HTR2C: variants seen among roughly 807,000 people sequenced by gnomAD.
HTR2C encodes 5-hydroxytryptamine (serotonin) receptor 2C, G protein-coupled.
HTR2C carries 5 observed loss-of-function variants against 21.0 expected under a neutral mutation model. The observed-to-expected ratio is 0.24, with a 90% CI of 0.12 to 0.50. The LOEUF is 0.50. HTR2C is among the 20% of genes least tolerant of loss of function. The probability of loss-of-function intolerance (pLI) is 0.98; values close to 1 mark genes in which losing one functional copy is unlikely to be tolerated. For synonymous variants in HTR2C, 150 were observed against 145.3 expected (o/e 1.03, Z -0.23); for missense variants, 271 against 371.2 (o/e 0.73, Z 2.22).
intron 2 of HTR2C, among the ~76,000 whole-genome samples, chrX:114,660,093 G>A (rs782061466): frequency 8.9e-6 from 1 of 111,910 alleles, no homozygotes; most frequent in East Asian, 2.8e-4. Context: ...CTATTTAATG[G>A]ACTTTTTAAC....
Position 114,906,668 on chromosome X carries a change from C to A in HTR2C, c.630C>A (p.Asn210Lys). Reference sequence around the variant, plus strand: ...TGAACAACACGACGTGCGTGCTCAACGACCCAAATTTCGTTCTTATTGGGT... The same window carrying A: ...TGAACAACACGACGTGCGTGCTCAAAGACCCAAATTTCGTTCTTATTGGGT... ...VFVNNTTCVLNDPNFVLIGSF... is the reference protein window; with the variant it reads ...VFVNNTTCVLKDPNFVLIGSF... The change falls in exon 6 of 6, where the codon AAC becomes AAA. Residue 210 changes from asparagine to lysine, a missense_variant. Physicochemically the swap from Asn to Lys is moderately conservative, Grantham distance 94 (BLOSUM62 0). Transcript: ENST00000276198. 8.3e-7 allele frequency: 1 copy of A among 1,210,720 alleles called. No individual in the cohort carries two copies. Among genetic ancestry groups the A allele is most frequent in the Non-Finnish European group, 1.1e-6 (1 of 894,799 alleles).
At position 114,726,873 on chromosome X, in the gene HTR2C, G is replaced by A; in HGVS notation, c.-64G>A. 1.5e-6 allele frequency: 1 copy of A among 681,359 alleles called. No individual in the cohort carries two copies. Among genetic ancestry groups the A allele is most frequent in the Non-Finnish European group, 2.2e-6 (1 of 452,502 alleles). 56.2% of individuals were successfully genotyped at this position (681,359 alleles called of 1,213,427 possible). A position where few individuals can be genotyped will look rare whatever the true frequency, so the allele number is the denominator to read the frequency against. On this transcript the variant is annotated 5_prime_UTR_variant, in exon 3 of 6. The change abolishes an upstream ATG in the 5' untranslated region. Transcript: ENST00000276198. ...CTCTCCCCAGAAAGGATGATATGATGAACCTAGCCTGTTAATTTCGTCTTC... is the reference window on the plus strand; with the variant it reads ...CTCTCCCCAGAAAGGATGATATGATAAACCTAGCCTGTTAATTTCGTCTTC...
At chrX:114,721,762 T>A (rs2147332479) in intron 2 of HTR2C, among the ~76,000 whole-genome samples, 1 of 111,378 alleles carries the variant, frequency 9.0e-6, no homozygotes, top group East Asian at 2.8e-4. Context: ...CAGCACCGTT[T>A]ATTAAATAGG....
intron 5 of HTR2C, among the ~76,000 whole-genome samples, chrX:114,894,072 C>T (rs1389942617): frequency 1.8e-5 from 2 of 110,651 alleles, no homozygotes; most frequent in Middle Eastern, 9.3e-3. Context: ...ACTTTCATTG[C>T]GGATGGGACT....
At chrX:114,706,574 G>C (rs782408397) in intron 2 of HTR2C, among the ~76,000 whole-genome samples, 2 of 67,951 alleles carry the variant, frequency 2.9e-5, no homozygotes, top group East Asian at 1.2e-3. Context: ...GTGGGGGGAG[G>C]GGGGAGGGAT....
At chrX:114,853,386 GTCAA>G (rs1307046290) in intron 5 of HTR2C, among the ~76,000 whole-genome samples, 3 of 111,143 alleles carry the variant, frequency 2.7e-5, no homozygotes, top group Non-Finnish European at 3.8e-5. Context: ...AGTTCATCTT[GTCAA>G]TCAGATTTCC....
intron 1 of HTR2C, among the ~76,000 whole-genome samples, chrX:114,599,390 G>A (rs782749916): frequency 1.8e-5 from 2 of 111,696 alleles, no homozygotes; most frequent in Admixed American, 9.5e-5. Context: ...TTGAGCAATC[G>A]AAGTCTGAAA....
intron 2 of HTR2C, among the ~76,000 whole-genome samples, chrX:114,637,804 G>C (rs1200972671): frequency 9.0e-6 from 1 of 111,264 alleles, no homozygotes; most frequent in Non-Finnish European, 1.9e-5. Context: ...GAAAAGCCAT[G>C]ACATTGAGCA....
intron 2 of HTR2C, among the ~76,000 whole-genome samples, chrX:114,685,550 T>C (rs1236622100): frequency 8.9e-6 from 1 of 112,019 alleles, no homozygotes; most frequent in African/African-American, 3.2e-5. Flanking sequence ...GAAAGTTGAA[T>C]CTTTGACTAA....
At chrX:114,895,630 C>T (rs2071290707) in intron 5 of HTR2C, among the ~76,000 whole-genome samples, 1 of 111,353 alleles carries the variant, frequency 9.0e-6, no homozygotes, top group Admixed American at 9.5e-5. Context: ...TTTCTTACTG[C>T]AGAAACTTAG....
At chrX:114,726,632 A>G (rs1422720611) in intron 2 of HTR2C, among the ~76,000 whole-genome samples, 6 of 112,505 alleles carry the variant, frequency 5.3e-5, no homozygotes, top group Non-Finnish European at 1.1e-4. Context: ...CCATGTATAA[A>G]TAAAACATAT....
At chrX:114,715,437 G>A (rs1932975242) in intron 2 of HTR2C, 2 of 264,985 alleles carry the variant, frequency 7.5e-6, no homozygotes, top group Middle Eastern at 7.9e-4. Flanking sequence ...ATTGCTTGTG[G>A]GTGAAGAGAC....
chrX:114,610,501 CACTT>C (rs1181101817), intron 1 of HTR2C, among the ~76,000 whole-genome samples: 1 of 111,978 alleles, frequency 8.9e-6, no homozygotes, highest in African/African-American at 3.2e-5. Flanking sequence ...CACAAAATCA[CACTT>C]AATGTCACCT....
chrX:114,718,991 ATAT>A (rs1274701425), intron 2 of HTR2C, among the ~76,000 whole-genome samples: 2,223 of 30,231 alleles, frequency 0.074, 75 homozygotes, highest in African/African-American at 0.14. Context: ...TAATATAATA[ATAT>A]AATATATAAT....
intron 4 of HTR2C, among the ~76,000 whole-genome samples, chrX:114,748,079 T>G (rs2069723059): frequency 8.9e-6 from 1 of 112,272 alleles, no homozygotes; most frequent in African/African-American, 3.2e-5. Context: ...GCTCTTAGGA[T>G]GCAAAGCCCA....
At chrX:114,807,586 C>A (rs2070489994) in intron 4 of HTR2C, among the ~76,000 whole-genome samples, 1 of 107,686 alleles carries the variant, frequency 9.3e-6, no homozygotes, top group Non-Finnish European at 1.9e-5. Context: ...ATAATCACAT[C>A]TAGGTAAATG....
At chrX:114,613,435 T>A (rs373279141) in intron 1 of HTR2C, among the ~76,000 whole-genome samples, 1 of 110,541 alleles carries the variant, frequency 9.0e-6, no homozygotes, top group South Asian at 3.9e-4. Context: ...TTTTGGTGGG[T>A]TTTAGCTGGG....
In HTR2C at chrX:114,703,990, C is replaced by T. The variant is rs913831136; in HGVS notation, c.-79-22868C>T. The stretch of plus-strand genomic sequence containing the variant: ...TGGATAAATTCCTCGACACATACAC[C>T]CTCCCAAGAATAAACCAGGAAGAAA... On this transcript the variant is annotated intron_variant, in intron 2 of 5. Coordinates refer to ENST00000276198, the MANE Select transcript of HTR2C (RefSeq NM_000868.4). Among the ~76,000 whole-genome samples the T allele has an allele frequency of 5.4e-4, 59 of 109,737 alleles. 1 individual carries two copies. Among genetic ancestry groups the T allele is most frequent in the African/African-American group, 1.9e-3 (57 of 30,022 alleles).
chrX:114,835,084 C>G (rs1348048282), intron 4 of HTR2C, among the ~76,000 whole-genome samples: 1 of 99,272 alleles, frequency 1.0e-5, no homozygotes, highest in Non-Finnish European at 2.0e-5. Flanking sequence ...CGCTGTTAGT[C>G]TGATGGGCTT....
Sources: allele counts gnomAD v4.1 joint callset (sites outside exome capture counted in the v4.1 genomes callset), GRCh38; gene constraint gnomAD v4.1.1; transcripts MANE v1.5; gene names NCBI Gene and HGNC (gene_info 2026-07-23, HGNC 2026-07-21).